The following CAND2 variants were observed in gnomAD, a reference collection of about 807,000 sequenced individuals.
The protein encoded by CAND2 is cullin-associated NEDD8-dissociated protein 2.
CAND2 carries 62 observed loss-of-function variants against 98.9 expected under a neutral mutation model. That is an observed-to-expected ratio of 0.63 (90% CI 0.51 to 0.77). CAND2 has a LOEUF of 0.77. CAND2 is among the 30% of genes least tolerant of loss of function. CAND2 has a pLI of 0.00. For missense variants in CAND2, 1,501 were observed against 1,655.2 expected, an observed-to-expected ratio of 0.91 and a Z score of 1.62; for synonymous variants, 770 against 731.9, an observed-to-expected ratio of 1.05 and a Z score of -0.84.
In CAND2 at chr3:12,810,246, G is replaced by C; in HGVS notation, c.679G>C (p.Val227Leu). Residue 227 changes from valine (V) to leucine (L), a missense_variant, in exon 5 of 15, where the codon GTG becomes CTG. By Grantham distance (32) the Val-to-Leu change is conservative. Transcript: ENST00000456430. ...HLLDRLPGPR[V>L]PTSPTAIRTL... is the part of the protein sequence containing the mutation. ...ACTGGACCGGCTGCCCGGCCCGCGG[G>C]TGCCCACCAGCCCGACTGCCATCCG... 1 of 1,526,386 alleles carries C rather than the reference G, an allele frequency of 6.6e-7. No homozygotes were observed. The highest frequency in any genetic ancestry group is 8.8e-7 in the Non-Finnish European group (1 of 1,139,096). The allele number at this position is 1,526,386 out of a possible 1,614,324, so 94.6% of individuals were successfully genotyped here. A position where few individuals can be genotyped will look rare whatever the true frequency, so the allele number is the denominator to read the frequency against.
At chr3:12,807,247 G>T in intron 2 of CAND2, 59 bp from the exon 3 acceptor site, 4 of 1,466,512 alleles carry the variant, frequency 2.7e-6, no homozygotes, top group Non-Finnish European at 3.7e-6. Flanking sequence ...ACATAAAGGG[G>T]CAGCCTGACT....
intron 10 of CAND2, among the ~76,000 whole-genome samples, chr3:12,819,499 C>T (rs181447767): frequency 4.4e-4 from 67 of 152,242 alleles, no homozygotes; most frequent in East Asian, 1.7e-3. Flanking sequence ...AGAAAGCAAG[C>T]GGCAAAGCAC....
Position 12,813,238 on chromosome 3 carries a change from C to T in CAND2, c.864-8C>T, listed in dbSNP as rs774816481. 4.3e-6 allele frequency: 7 copies of T among 1,612,432 alleles called. No homozygotes were observed. The highest frequency in any genetic ancestry group is 1.7e-5 in the Admixed American group (1 of 59,964). On this transcript the variant is annotated splice_polypyrimidine_tract_variant and splice_region_variant and intron_variant, in intron 6 of 14. Transcript: ENST00000456430. ...ATCCAGCAAAGCATTCCTCATCCTG[C>T]CCCACAGGTGCCCCAAGGAAATGGG...
chr3:12,831,605 T>C, intron 14 of CAND2, 33 bp downstream of exon 14: 1 of 1,499,678 alleles, frequency 6.7e-7, no homozygotes, highest in South Asian at 1.2e-5. Context: ...GCCCAGGCCC[T>C]GGAGCACCTA....
rs756369771 is a variant in CAND2, at chr3:12,833,844, C to A, written c.3573C>A (p.Ile1191=). 2 of 1,614,190 alleles carry A rather than the reference C, an allele frequency of 1.2e-6. No individual in the cohort carries two copies. Among genetic ancestry groups the A allele is most frequent in the Non-Finnish European group, 1.7e-6 (2 of 1,180,008 alleles). ...AMRAVAALLT[I]PEVGKSPIMA... ...GGGCAGTGGCTGCCCTGCTGACCAT[C>A]CCCGAGGTGGGGAAAAGCCCCATCA... Residue 1191 remains isoleucine, a synonymous_variant, in exon 15 of 15, where the codon ATC becomes ATA. Transcript: ENST00000456430.
At position 12,817,522 on chromosome 3, in the gene CAND2, G is replaced by T; in HGVS notation, c.2590G>T (p.Ala864Ser). The change falls in exon 10 of 15, where the codon GCG becomes TCG. Residue 864 changes from alanine to serine, a missense_variant. By Grantham distance (99) the Ala-to-Ser change is moderately conservative (BLOSUM62 1). Around this residue, in one of 3 missense-constraint regions of CAND2, gnomAD observed 1,427 missense variants for 1,545.3 expected, o/e 0.92. Transcript: ENST00000456430. ...AGPGHQRELK[A>S]VLLEALGSPS... ...GCCAGGCCACCAGCGGGAGCTGAAG[G>T]CGGTGCTCCTGGAAGCTTTGGGGTC... The T allele has an allele frequency of 6.2e-7, 1 of 1,613,654 alleles. No individual in the cohort carries two copies. Among genetic ancestry groups the T allele is most frequent in the Non-Finnish European group, 8.5e-7 (1 of 1,179,978 alleles).
Position 12,816,414 on chromosome 3 carries a change from C to A in CAND2, c.1482C>A (p.Thr494=), listed in dbSNP as rs1234205605. 1 of 1,613,686 alleles carries A rather than the reference C, an allele frequency of 6.2e-7. No homozygotes were observed. The highest frequency in any genetic ancestry group is 1.7e-5 in the Admixed American group (1 of 60,016). The change falls in exon 10 of 15, where the codon ACC becomes ACA. Residue 494 remains threonine, a synonymous_variant. Transcript: ENST00000456430. ...TGGCCGACCGCTCCAGCTCCTCCAC[C>A]ATCCGGATGGATGCCCTGGCCTTCT... is the stretch of plus-strand genomic sequence containing the variant. ...FSLADRSSSS[T]IRMDALAFLQ...
intron 1 of CAND2, among the ~76,000 whole-genome samples, chr3:12,802,789 C>T (rs993774858): frequency 6.6e-6 from 1 of 152,164 alleles, no homozygotes; most frequent in African/African-American, 2.4e-5. Context: ...AGTGTGCCTA[C>T]ACAACCTAGA....
At chr3:12,812,246 T>C (rs2061858133) in intron 5 of CAND2, among the ~76,000 whole-genome samples, 1 of 142,880 alleles carries the variant, frequency 7.0e-6, no homozygotes, top group Admixed American at 7.0e-5. Flanking sequence ...TTTTTGGAGA[T>C]AGAATCTCGC....
intron 4 of CAND2, 129 bp downstream of exon 4, chr3:12,808,462 C>T (rs559027236): frequency 9.6e-7 from 1 of 1,041,096 alleles, no homozygotes; most frequent in Non-Finnish European, 1.4e-6. Context: ...TCCCAGCAGC[C>T]TCGTAAAGGA....
chr3:12,825,112 TTTTC>T (rs2061988640), intron 11 of CAND2, among the ~76,000 whole-genome samples: 2 of 148,946 alleles, frequency 1.3e-5, no homozygotes, highest in East Asian at 2.0e-4. Context: ...CAAAAAATTT[TTTTC>T]TTTTTTTTTT....
rs62637649 is a variant in CAND2, at chr3:12,812,992, G to A, written c.760G>A (p.Ala254Thr). Residue 254 changes from alanine (A) to threonine (T), a missense_variant and splice_region_variant, in exon 6 of 15, where the codon GCT (alanine) becomes ACT (threonine). This residue lies in a region of CAND2 where 1,427 missense variants were observed against 1,545.3 expected (regional missense o/e 0.92). Transcript: ENST00000456430. ...VGRQAGHRLG[A>T]HLDRLVPLVE... ...CAGTGATCCACCTGGCCCTGCAGGG[G>A]CTCACCTGGACCGCCTGGTGCCCCT... is the stretch of plus-strand genomic sequence containing the variant. 2.6e-6 allele frequency: 4 copies of A among 1,566,448 alleles called. No homozygotes were observed. The highest frequency in any genetic ancestry group is 3.5e-6 in the Non-Finnish European group (4 of 1,155,408).
At chr3:12,801,607 C>T (rs371682757) in intron 1 of CAND2, among the ~76,000 whole-genome samples, 11 of 152,320 alleles carry the variant, frequency 7.2e-5, no homozygotes, top group Admixed American at 2.6e-4. Flanking sequence ...CTTTTGGTGT[C>T]AGGCCCCATG....
At chr3:12,810,679 A>G (rs2061845394) in intron 5 of CAND2, among the ~76,000 whole-genome samples, 1 of 152,210 alleles carries the variant, frequency 6.6e-6, no homozygotes, top group African/African-American at 2.4e-5. Flanking sequence ...GGTAATTACA[A>G]TTTTAAGTCA....
chr3:12,815,498 C>T lies in CAND2; in HGVS notation c.1299+65C>T, dbSNP rs2061891398. 6.8e-7 allele frequency: 1 copy of T among 1,475,206 alleles called. No individual in the cohort carries two copies. Among genetic ancestry groups the T allele is most frequent in the South Asian group, 1.3e-5 (1 of 77,872 alleles). 91.4% of individuals were successfully genotyped at this position (1,475,206 alleles called of 1,614,324 possible). ...CTACCCAGCCACTCACTGTTAGTGT[C>T]CCTGGACTTGGAAACTCAGCTGGGA... is the stretch of plus-strand genomic sequence containing the variant. On this transcript the variant is annotated intron_variant, in intron 8 of 14. Coordinates refer to ENST00000456430, the MANE Select transcript of CAND2 (RefSeq NM_001162499.2). The surrounding 1 kb of genome is among the most constrained non-coding windows in gnomAD (Gnocchi z 5.7).
intron 7 of CAND2, among the ~76,000 whole-genome samples, chr3:12,814,623 G>T (rs374135056): frequency 1.3e-5 from 2 of 152,136 alleles, no homozygotes; most frequent in African/African-American, 4.8e-5. Flanking sequence ...CCAAAGGGAG[G>T]CTCTGTCCCT....
At chr3:12,831,900 G>C (rs2062056649) in intron 14 of CAND2, among the ~76,000 whole-genome samples, 2 of 152,192 alleles carry the variant, frequency 1.3e-5, no homozygotes, top group South Asian at 2.1e-4. Flanking sequence ...GTAACATTGA[G>C]CCTGATAGGT....
At position 12,815,560 on chromosome 3, in the gene CAND2, T is replaced by A; in HGVS notation, c.1299+127T>A. On this transcript the variant is annotated intron_variant, in intron 8 of 14. Transcript: ENST00000456430. This position sits in a 1 kb window ranked among gnomAD's most constrained non-coding sequence, Gnocchi z 5.7. ...CATGGAAGGGAAGGGAAGGGGTCCC[T>A]GGGGTGGGGGGCGGGAGCCAGCCAG... 6 of 667,126 alleles carry A rather than the reference T, an allele frequency of 9.0e-6. No individual in the cohort carries two copies. The highest frequency in any genetic ancestry group is 5.0e-5 in the East Asian group (1 of 20,062). The allele number at this position is 667,126 out of a possible 1,614,324, so 41.3% of individuals were successfully genotyped here.
At chr3:12,820,847 G>A (rs1299148391) in intron 11 of CAND2, among the ~76,000 whole-genome samples, 1 of 152,236 alleles carries the variant, frequency 6.6e-6, no homozygotes, top group African/African-American at 2.4e-5. Context: ...GTAGAGAGAG[G>A]TTTTGGAGCT....
Sources: allele counts gnomAD v4.1 joint callset (sites outside exome capture counted in the v4.1 genomes callset), GRCh38; gene constraint gnomAD v4.1.1; regional missense constraint gnomAD v4.1.1; non-coding constraint Gnocchi (gnomAD v3.1); transcripts MANE v1.5; gene names NCBI Gene and HGNC (gene_info 2026-07-23, HGNC 2026-07-21).